Variants in SMIM22 observed in about 807,000 individuals in gnomAD.
The protein encoded by SMIM22 is small integral membrane protein 22.
A neutral mutation model predicts 8.4 loss-of-function variants in SMIM22; 16 were observed. That is an observed-to-expected ratio of 1.90 (90% CI 1.29 to 2.89). The LOEUF is 2.89. Among genes scored for constraint, SMIM22 ranks in the 30% most tolerant of loss-of-function variants. SMIM22 has a pLI of 0.00. For synonymous variants in SMIM22, 67 were observed against 47.6 expected (o/e 1.41, Z -1.68); for missense variants, 159 against 107.5 (o/e 1.48, Z -2.12).
At position 4,796,010 on chromosome 16, in the gene SMIM22, C is replaced by A. The variant is rs1424048077; in HGVS notation, c.187C>A (p.Pro63Thr). Residue 63 changes from proline to threonine, a missense_variant, in exon 3 of 4, where the codon CCC becomes ACC. Transcript: ENST00000586005. Reference protein sequence around the residue: ...AHCCCCSSPGPRRESPRKVSP... With the variant: ...AHCCCCSSPGTRRESPRKVSP... ...CTGCTGCTGCTGCAGCTCCCCCGGG[C>A]CCCGCAGGGAAAGCCCCAGGAAGGT... 2 of 1,514,496 alleles carry A rather than the reference C, an allele frequency of 1.3e-6. No homozygotes were observed. The highest frequency in any genetic ancestry group is 4.1e-5 in the Admixed American group (2 of 48,840). The allele number at this position is 1,514,496 out of a possible 1,614,324, so 93.8% of individuals were successfully genotyped here.
upstream of SMIM22, among the ~76,000 whole-genome samples, chr16:4,793,947 ATTTT>A (rs761143483): frequency 2.1e-5 from 3 of 144,624 alleles, no homozygotes; most frequent in East Asian, 6.2e-4. Flanking sequence ...CAGCCAATTT[ATTTT>A]TTTTGAGATA....
At chr16:4,790,743 C>T (rs994497890), upstream of SMIM22, among the ~76,000 whole-genome samples, 3 of 152,146 alleles carry the variant, frequency 2.0e-5, no homozygotes, top group South Asian at 2.1e-4. Context: ...GAGCCGAGAT[C>T]GTGCCATTGC....
At chr16:4,788,751 T>C (rs968748612) in exon 2 of SMIM22, 4 of 152,206 alleles carry the variant, frequency 2.6e-5, no homozygotes, top group African/African-American at 9.7e-5. Context: ...GTTAACTTGT[T>C]TAATAATCAA....
At chr16:4,789,833 AG>A (rs1284527790) in intron 2 of SMIM22, 1 of 151,794 alleles carries the variant, frequency 6.6e-6, no homozygotes, top group Non-Finnish European at 1.5e-5. Flanking sequence ...TGACTTCACA[AG>A]GCTTAGGCAT....
In SMIM22 at chr16:4,795,758, G is replaced by A. The variant is rs1195525816; in HGVS notation, c.24G>A (p.Leu8=). Residue 8 remains leucine (L), a synonymous_variant, in exon 2 of 4, where the codon CTG becomes CTA. Coordinates refer to ENST00000586005, the MANE Select transcript of SMIM22 (RefSeq NM_001253794.2). ...AGATGGCTGTGTCCACAGAGGAGCT[G>A]GAGGCCACGGTTCAGGAAGTCCTGG... MAVSTEE[L]EATVQEVLGR... 1 of 1,535,932 alleles carries A rather than the reference G, an allele frequency of 6.5e-7. No individual in the cohort carries two copies. Among genetic ancestry groups the A allele is most frequent in the Non-Finnish European group, 8.7e-7 (1 of 1,146,814 alleles).
chr16:4,796,440 GGGCGC>G lies in SMIM22; in HGVS notation c.*212_*216del, dbSNP rs2082646153. ...CTGGGAGGGGAGCTGGTCTCAGGCC[GGGCGC>G]GGTGGCTCACACCTATAATCCCAGC... is the stretch of plus-strand genomic sequence containing the variant. On this transcript the variant is annotated 3_prime_UTR_variant, in exon 4 of 4. Transcript: ENST00000586005. 1.6e-6 allele frequency: 1 copy of G among 618,314 alleles called. No individual in the cohort carries two copies. The highest frequency in any genetic ancestry group is 2.8e-6 in the Non-Finnish European group (1 of 357,466). The allele number at this position is 618,314 out of a possible 1,614,324, so 38.3% of individuals were successfully genotyped here.
In SMIM22 at chr16:4,795,934, T is replaced by C. The variant is rs2082635066; in HGVS notation, c.125-14T>C. 6.6e-7 allele frequency: 1 copy of C among 1,517,808 alleles called. No homozygotes were observed. The highest frequency in any genetic ancestry group is 8.8e-7 in the Non-Finnish European group (1 of 1,137,702). 94.0% of individuals were successfully genotyped at this position (1,517,808 alleles called of 1,614,324 possible). On this transcript the variant is annotated splice_polypyrimidine_tract_variant and intron_variant, in intron 2 of 3. Coordinates refer to ENST00000586005, the MANE Select transcript of SMIM22 (RefSeq NM_001253794.2). ...CAGGTTGGGGCCACACCTGGACGCC[T>C]GTCCTGTCCCCAGGCACCGTGCTGC...
At chr16:4,788,709 T>G (rs538965628) in intron 1 of SMIM22, 1 of 152,364 alleles carries the variant, frequency 6.6e-6, no homozygotes, top group South Asian at 2.1e-4. Context: ...GTCCTGACTC[T>G]GCACATGGCA....
chr16:4,794,490 G>A (rs1441473413), upstream of SMIM22, among the ~76,000 whole-genome samples: 5 of 150,300 alleles, frequency 3.3e-5, no homozygotes, highest in African/African-American at 1.2e-4. Flanking sequence ...GCGTGATCTC[G>A]GCTCACCACA....
At chr16:4,793,770 AAATAT>A (rs140081268), upstream of SMIM22, among the ~76,000 whole-genome samples, 6,709 of 152,280 alleles carry the variant, frequency 0.044, 131 homozygotes, top group Middle Eastern at 0.061. Flanking sequence ...TATATTAAAT[AAATAT>A]ATGTATACAA....
chr16:4,790,462 G>A (rs2082534803), upstream of SMIM22, among the ~76,000 whole-genome samples: 1 of 152,114 alleles, frequency 6.6e-6, no homozygotes, highest in Non-Finnish European at 1.5e-5. Context: ...GGGAACTCCC[G>A]CTCCTTCCTG....
upstream of SMIM22, among the ~76,000 whole-genome samples, chr16:4,794,688 G>T (rs2082605185): frequency 6.6e-6 from 1 of 152,170 alleles, no homozygotes; most frequent in Non-Finnish European, 1.5e-5. Context: ...CCAAAGTGCT[G>T]GGATTACAGG....
upstream of SMIM22, among the ~76,000 whole-genome samples, chr16:4,793,358 A>G (rs113652427): frequency 0.013 from 1,928 of 152,206 alleles, 41 homozygotes; most frequent in African/African-American, 0.044. Context: ...GAAGCCACAG[A>G]GTTTGTGGTA....
In SMIM22 at chr16:4,796,184, G is replaced by C. The variant is rs908483920; in HGVS notation, c.226-6G>C. ...CCTGCTTGGTCCCGCTGTGCTTCTC[G>C]TGCAGGAAAGACCCAAGGGAGTGGA... On this transcript the variant is annotated splice_region_variant and splice_polypyrimidine_tract_variant and intron_variant, in intron 3 of 3. Transcript: ENST00000586005. The C allele has an allele frequency of 3.6e-5, 55 of 1,535,856 alleles. No individual in the cohort carries two copies. The highest frequency in any genetic ancestry group is 1.8e-4 in the Admixed American group (9 of 50,964).
At chr16:4,794,396 C>G (rs1318349368), upstream of SMIM22, among the ~76,000 whole-genome samples, 1 of 149,592 alleles carries the variant, frequency 6.7e-6, no homozygotes, top group East Asian at 2.0e-4. Flanking sequence ...CATGAGCCAC[C>G]ACACCCGACC....
At chr16:4,790,173 C>T (rs548455541) in intron 2 of SMIM22, 2 of 152,254 alleles carry the variant, frequency 1.3e-5, no homozygotes, top group Admixed American at 6.6e-5. Flanking sequence ...CTCAGCCTCC[C>T]AAAGCGCCAC....
chr16:4,789,308 TTTTTTTTCTTTTTTCC>T lies in SMIM22; in HGVS notation c.-146+552_-146+567del, dbSNP rs1302952298. ...ATTAGTGAGCCACCATGCCTGGCCT[TTTTTTTTCTTTTTTCC>T]TTTTTTTCTTTTTTTTTTTGAGACG... On this transcript the variant is annotated intron_variant, in intron 2 of 5. Coordinates refer to the SMIM22 transcript ENST00000589327. Among the ~76,000 whole-genome samples, 32 of 151,784 alleles carry T rather than the reference TTTTTTTTCTTTTTTCC, an allele frequency of 2.1e-4. 1 individual carries two copies. Among genetic ancestry groups the T allele is most frequent in the African/African-American group, 6.5e-4 (27 of 41,436 alleles).
intron 2 of SMIM22, 26 bp from the exon 3 acceptor site, chr16:4,795,922 C>T: frequency 6.6e-7 from 1 of 1,524,216 alleles, no homozygotes; most frequent in South Asian, 1.2e-5. Context: ...GTTGGGGCCA[C>T]ACCTGGACGC....
At chr16:4,791,983 G>A (rs1032072660), upstream of SMIM22, among the ~76,000 whole-genome samples, 23 of 151,280 alleles carry the variant, frequency 1.5e-4, no homozygotes, top group African/African-American at 5.1e-4. Flanking sequence ...CACCGCGCCT[G>A]GCCTGACTTT....
Sources: allele counts gnomAD v4.1 joint callset (sites outside exome capture counted in the v4.1 genomes callset), GRCh38; gene constraint gnomAD v4.1.1; transcripts MANE v1.5; gene names NCBI Gene and HGNC (gene_info 2026-07-23, HGNC 2026-07-21).